SPPL3: variants seen among roughly 807,000 people sequenced by gnomAD.
SPPL3 encodes signal peptide peptidase like 3.
Under a neutral mutation model 42.4 loss-of-function variants are expected in SPPL3, and 5 were observed. That is an observed-to-expected ratio of 0.12 (90% confidence interval 0.06 to 0.25). The LOEUF is 0.25. SPPL3 is among the 10% of genes least tolerant of loss of function. The pLI is 1.00. For missense variants in SPPL3, 235 were observed against 489.0 expected, an observed-to-expected ratio of 0.48 and a Z score of 4.90; for synonymous variants, 195 against 181.8, an observed-to-expected ratio of 1.07 and a Z score of -0.58.
chr12:120,835,883 G>C (rs1267802604), intron 1 of SPPL3, among the ~76,000 whole-genome samples: 1 of 152,152 alleles, frequency 6.6e-6, no homozygotes, highest in East Asian at 1.9e-4. Flanking sequence ...AGAATCCTTA[G>C]ATTTGGTTGG....
At chr12:120,774,280 T>G (rs886355317) in intron 6 of SPPL3, among the ~76,000 whole-genome samples, 1 of 152,136 alleles carries the variant, frequency 6.6e-6, no homozygotes, top group African/African-American at 2.4e-5. Flanking sequence ...TCCCTCCCTC[T>G]TACTCTTTCC....
chr12:120,766,100 GCACACACACACACACACA>G (rs111837123), intron 10 of SPPL3, among the ~76,000 whole-genome samples, 145 bp downstream of exon 10: 1,223 of 84,148 alleles, frequency 0.015, 11 homozygotes, highest in African/African-American at 0.04. Context: ...GCGCGCGCGC[GCACACACACACACACACA>G]CACACACACA....
intron 1 of SPPL3, among the ~76,000 whole-genome samples, chr12:120,900,770 T>C (rs974065000): frequency 1.3e-5 from 2 of 150,254 alleles, no homozygotes; most frequent in Non-Finnish European, 3.0e-5. Flanking sequence ...AATAAATAAA[T>C]AAACTAGCAG....
chr12:120,832,573 T>C (rs35706672), intron 1 of SPPL3, among the ~76,000 whole-genome samples: 59,981 of 151,720 alleles, frequency 0.4, 13,962 homozygotes, highest in Middle Eastern at 0.56. Context: ...CTCGGGAGGC[T>C]GAGGCAGGAG....
chr12:120,833,612 T>C (rs1871501875), intron 1 of SPPL3, among the ~76,000 whole-genome samples: 1 of 146,530 alleles, frequency 6.8e-6, no homozygotes, highest in Non-Finnish European at 1.5e-5. Flanking sequence ...GGAGGATCAC[T>C]TGAGGCCAGG....
At chr12:120,903,726 A>ACCCCCCCCCCCCCC in intron 1 of SPPL3, 119 bp downstream of exon 1, 7 of 509,652 alleles carry the variant, frequency 1.4e-5, no homozygotes, top group East Asian at 5.2e-5. Flanking sequence ...GTGCACCCCA[A>ACCCCCCCCCCCCCC]CCCGCGCCCC....
chr12:120,814,274 C>T (rs571343633), intron 1 of SPPL3, among the ~76,000 whole-genome samples: 1 of 152,276 alleles, frequency 6.6e-6, no homozygotes, highest in Admixed American at 6.5e-5. Flanking sequence ...CAGCACCTCA[C>T]AGGGGTGCTA....
At chr12:120,863,274 G>T (rs1872666196) in intron 1 of SPPL3, among the ~76,000 whole-genome samples, 3 of 151,990 alleles carry the variant, frequency 2.0e-5, no homozygotes, top group Non-Finnish European at 4.4e-5. Context: ...CTTGAACCCA[G>T]GAGGCAGAGG....
intron 6 of SPPL3, 48 bp from the exon 7 acceptor site, chr12:120,769,107 G>C: frequency 7.0e-7 from 1 of 1,437,022 alleles, no homozygotes; most frequent in Non-Finnish European, 9.6e-7. Flanking sequence ...GTGGACTCCA[G>C]GCTCATCCTC....
chr12:120,767,343 T>C (rs1174120498), intron 9 of SPPL3, 51 bp downstream of exon 9: 13 of 1,574,500 alleles, frequency 8.3e-6, no homozygotes, highest in Non-Finnish European at 1.0e-5. Flanking sequence ...ATTCCAAAGG[T>C]TGGAGGACAG....
chr12:120,892,736 A>G (rs1286207092), intron 1 of SPPL3, among the ~76,000 whole-genome samples: 1 of 152,190 alleles, frequency 6.6e-6, no homozygotes, highest in Non-Finnish European at 1.5e-5. Context: ...TAATCCCAGC[A>G]CTTTGGGAGA....
intron 6 of SPPL3, among the ~76,000 whole-genome samples, chr12:120,775,118 A>G (rs983178018): frequency 6.6e-6 from 1 of 151,060 alleles, no homozygotes; most frequent in African/African-American, 2.5e-5. Flanking sequence ...TCTATGCCCT[A>G]TGTGGAGTCA....
intron 1 of SPPL3, among the ~76,000 whole-genome samples, chr12:120,828,358 A>G (rs995508515): frequency 2.0e-5 from 3 of 151,946 alleles, no homozygotes; most frequent in Admixed American, 1.3e-4. Context: ...GCATTAAGTG[A>G]TTATACTGGA....
intron 1 of SPPL3, among the ~76,000 whole-genome samples, chr12:120,830,967 G>T (rs1871408406): frequency 6.6e-6 from 1 of 152,158 alleles, no homozygotes; most frequent in Non-Finnish European, 1.5e-5. Context: ...GATCAGCACT[G>T]AAGTGGGAAC....
At chr12:120,837,619 G>A (rs989677244) in intron 1 of SPPL3, among the ~76,000 whole-genome samples, 40 of 152,096 alleles carry the variant, frequency 2.6e-4, no homozygotes, top group Non-Finnish European at 5.1e-4. Flanking sequence ...AGAAGGGAAT[G>A]CGATTCCTGT....
chr12:120,895,825 G>A (rs1257129103), intron 1 of SPPL3, among the ~76,000 whole-genome samples: 1 of 152,156 alleles, frequency 6.6e-6, no homozygotes, highest in East Asian at 1.9e-4. Flanking sequence ...GACATGGCTA[G>A]GTCACAGTCA....
At chr12:120,825,620 G>A (rs1023210544) in intron 1 of SPPL3, among the ~76,000 whole-genome samples, 1 of 152,254 alleles carries the variant, frequency 6.6e-6, no homozygotes, top group Non-Finnish European at 1.5e-5. Context: ...TCTGTTTACA[G>A]AGGGGTTAAA....
At chr12:120,845,983 C>T (rs909418067) in intron 1 of SPPL3, among the ~76,000 whole-genome samples, 14 of 152,002 alleles carry the variant, frequency 9.2e-5, no homozygotes, top group African/African-American at 3.1e-4. Context: ...TGCAAGCCTC[C>T]GCCTCCCGGG....
intron 2 of SPPL3, among the ~76,000 whole-genome samples, chr12:120,797,695 T>C (rs369732653): frequency 7.2e-5 from 11 of 152,316 alleles, no homozygotes; most frequent in African/African-American, 2.6e-4. Flanking sequence ...CATTGATGAA[T>C]TGTATCCCTT....
Sources: allele counts gnomAD v4.1 joint callset (sites outside exome capture counted in the v4.1 genomes callset), GRCh38; gene constraint gnomAD v4.1.1; transcripts MANE v1.5; gene names NCBI Gene and HGNC (gene_info 2026-07-23, HGNC 2026-07-21).